Variants in ABCC1 observed in about 807,000 individuals in gnomAD.
ABCC1 encodes the protein multidrug resistance-associated protein 1.
In ABCC1, 83 loss-of-function variants were observed where a neutral mutation model predicts 172.9. That is an observed-to-expected ratio of 0.48 (90% CI 0.40 to 0.58). ABCC1 has a LOEUF of 0.58. ABCC1 is among the 20% of genes least tolerant of loss of function. The pLI, the probability that ABCC1 is intolerant of heterozygous loss-of-function variation, is 0.00. For missense variants in ABCC1, 1,817 were observed against 2,002.7 expected (o/e 0.91, Z 1.77); for synonymous variants, 937 against 825.2 (o/e 1.14, Z -2.32).
chr16:16,075,760 AG>A (rs2050535240), intron 14 of ABCC1, among the ~76,000 whole-genome samples: 1 of 152,180 alleles, frequency 6.6e-6, no homozygotes, highest in Non-Finnish European at 1.5e-5. Flanking sequence ...TGGATGTTTT[AG>A]AAAGATCCAC....
At chr16:16,124,719 A>C in intron 24 of ABCC1, 70 bp from the exon 25 acceptor site, 2 of 1,604,970 alleles carry the variant, frequency 1.2e-6, no homozygotes, top group Admixed American at 3.3e-5. Context: ...TTCCTCCCCC[A>C]AGAGCTGTAA....
At position 16,131,778 on chromosome 16, in the gene ABCC1, T is replaced by A. The variant is rs758553125; in HGVS notation, c.3820-11T>A. On this transcript the variant is annotated splice_polypyrimidine_tract_variant and intron_variant, in intron 26 of 30. Transcript: ENST00000399410. ...GAAATTCCTTACTCTCTCCCTTCAC[T>A]GCGATCGAAGGCGCCCTGGCAAATC... 1.2e-6 allele frequency: 2 copies of A among 1,612,790 alleles called. No individual in the cohort carries two copies. The highest frequency in any genetic ancestry group is 1.7e-6 in the Non-Finnish European group (2 of 1,179,484).
chr16:16,079,613 G>C lies in ABCC1; in HGVS notation c.2115+135G>C, dbSNP rs779966389. The stretch of plus-strand genomic sequence containing the variant: ...CAACGTCTCTTTTCCTCCTCCTCCT[G>C]TATCTTTCCACTGTCTCTTTCTCTC... On this transcript the variant is annotated intron_variant, in intron 16 of 30. Coordinates refer to ENST00000399410, the MANE Select transcript of ABCC1 (RefSeq NM_004996.4). 20 of 1,139,268 alleles carry C rather than the reference G, an allele frequency of 1.8e-5. 1 individual carries two copies. Among genetic ancestry groups the C allele is most frequent in the Admixed American group, 5.6e-5 (2 of 35,570 alleles). The allele number at this position is 1,139,268 out of a possible 1,614,324, so 70.6% of individuals were successfully genotyped here.
intron 1 of ABCC1, among the ~76,000 whole-genome samples, chr16:15,960,970 C>G (rs1453670939): frequency 6.9e-6 from 1 of 145,484 alleles, no homozygotes; most frequent in African/African-American, 2.6e-5. Flanking sequence ...CAAGAACCTT[C>G]TGATCTGTTT....
chr16:16,094,205 G>T, intron 19 of ABCC1: 1 of 277,546 alleles, frequency 3.6e-6, no homozygotes, highest in South Asian at 4.1e-5. Flanking sequence ...GAGCTCTGTA[G>T]GTCCGGCGAC....
intron 9 of ABCC1, among the ~76,000 whole-genome samples, chr16:16,047,335 A>G (rs2049251855): frequency 6.6e-6 from 1 of 152,028 alleles, no homozygotes; most frequent in South Asian, 2.1e-4. Flanking sequence ...TCTGTCACCC[A>G]GGCTAGAGTG....
intron 24 of ABCC1, 126 bp from the exon 25 acceptor site, chr16:16,124,663 C>T: frequency 7.2e-7 from 1 of 1,384,600 alleles, no homozygotes; most frequent in Admixed American, 1.9e-5. Context: ...AGGAAGGACT[C>T]TCTCTGGAAT....
At chr16:16,120,563 G>A (rs989351265) in intron 23 of ABCC1, among the ~76,000 whole-genome samples, 4 of 152,156 alleles carry the variant, frequency 2.6e-5, no homozygotes, top group African/African-American at 4.8e-5. Flanking sequence ...ACGTATCATC[G>A]TAGCCCGGGA....
intron 8 of ABCC1, 76 bp from the exon 9 acceptor site, chr16:16,045,760 G>T: frequency 1.4e-6 from 2 of 1,445,872 alleles, no homozygotes; most frequent in South Asian, 2.5e-5. Flanking sequence ...GAAAGTTGCA[G>T]TGCCAACACT....
At chr16:15,991,753 G>A (rs1251798907) in intron 1 of ABCC1, among the ~76,000 whole-genome samples, 1 of 152,140 alleles carries the variant, frequency 6.6e-6, no homozygotes. Context: ...AGGAGTAAAT[G>A]TGCTAAGGCC....
At chr16:16,012,485 ATTTTT>A (rs71674571) in intron 3 of ABCC1, among the ~76,000 whole-genome samples, 34,308 of 138,672 alleles carry the variant, frequency 0.25, 5,019 homozygotes, top group African/African-American at 0.43. Flanking sequence ...ATTAGAGTGG[ATTTTT>A]TTTTTTTTTT....
At chr16:15,971,151 T>C (rs1013821213) in intron 1 of ABCC1, among the ~76,000 whole-genome samples, 2 of 152,130 alleles carry the variant, frequency 1.3e-5, no homozygotes, top group African/African-American at 4.8e-5. Context: ...GCTAGGTATA[T>C]GTACAGAGGC....
At chr16:16,066,427 C>T (rs1009051618) in intron 12 of ABCC1, among the ~76,000 whole-genome samples, 15 of 151,664 alleles carry the variant, frequency 9.9e-5, no homozygotes, top group South Asian at 6.3e-4. Flanking sequence ...GTGATCCGCC[C>T]GCCTCAGCCT....
intron 3 of ABCC1, among the ~76,000 whole-genome samples, chr16:16,011,572 C>T (rs779592016): frequency 6.6e-6 from 1 of 152,086 alleles, no homozygotes; most frequent in South Asian, 2.1e-4. Flanking sequence ...GGCTTGAACT[C>T]CTGGGCTCAA....
chr16:16,138,714 CTTTT>C lies in ABCC1; in HGVS notation c.4487+172_4487+175del, dbSNP rs397973927. Among the ~76,000 whole-genome samples the C allele has an allele frequency of 9.8e-3, 1,265 of 129,642 alleles. 6 individuals carry two copies. The highest frequency in any genetic ancestry group is 0.036 in the South Asian group (149 of 4,128). 85.1% of individuals were successfully genotyped at this position (129,642 alleles called of 152,430 possible). A position where few individuals can be genotyped will look rare whatever the true frequency, so the allele number is the denominator to read the frequency against. On this transcript the variant is annotated intron_variant, in intron 30 of 30. Coordinates refer to ENST00000399410, the MANE Select transcript of ABCC1 (RefSeq NM_004996.4). ...TCATCCTGGATGGTACCAGCTATTT[CTTTT>C]TTTTTTTTTTTTTTTGAGACAGAGT...
intron 16 of ABCC1, 28 bp from the exon 17 acceptor site, chr16:16,083,338 C>CT (rs2050878405): frequency 6.2e-7 from 1 of 1,608,256 alleles, no homozygotes; most frequent in African/African-American, 1.3e-5. Context: ...GTGTGTCTGT[C>CT]TCACCTCGTT....
rs1019921600 is a variant in ABCC1, at chr16:15,978,054, C to T, written c.48+28255C>T. On this transcript the variant is annotated intron_variant, in intron 1 of 30. Transcript: ENST00000399410. ...TGAAAATGAAATAATATATAAGTCT[C>T]GTCTTCACAATGTCTCTGATGAAAA... is the stretch of plus-strand genomic sequence containing the variant. 1.2e-4 allele frequency among the ~76,000 whole-genome samples: 19 copies of T among 152,098 alleles called. 1 individual carries two copies. Among genetic ancestry groups the T allele is most frequent in the African/African-American group, 4.1e-4 (17 of 41,394 alleles).
chr16:15,991,246 T>G (rs532108101), intron 1 of ABCC1, among the ~76,000 whole-genome samples: 1 of 152,016 alleles, frequency 6.6e-6, no homozygotes, highest in East Asian at 1.9e-4. Flanking sequence ...TAGGGCCACC[T>G]GTGCCTCTAA....
chr16:16,055,474 CG>C (rs1430311405), intron 11 of ABCC1, among the ~76,000 whole-genome samples: 1 of 151,352 alleles, frequency 6.6e-6, no homozygotes, highest in African/African-American at 2.4e-5. Context: ...CTCTTTAACC[CG>C]GGAGGCAGAG....
Sources: allele counts gnomAD v4.1 joint callset (sites outside exome capture counted in the v4.1 genomes callset), GRCh38; gene constraint gnomAD v4.1.1; transcripts MANE v1.5; gene names NCBI Gene and HGNC (gene_info 2026-07-23, HGNC 2026-07-21).